XBP1: variants seen among roughly 807,000 people sequenced by gnomAD.
XBP1 encodes the protein X-box binding protein 1.
A neutral mutation model predicts 34.6 loss-of-function variants in XBP1; 18 were observed. The observed-to-expected ratio is 0.52, with a 90% confidence interval of 0.36 to 0.77. The LOEUF is 0.77. Ranked by LOEUF, XBP1 falls within the 30% of genes least tolerant of loss-of-function variation. The pLI is 0.00. For synonymous variants in XBP1, 191 were observed against 193.4 expected (o/e 0.99, Z 0.11); for missense variants, 422 against 464.6 (o/e 0.91, Z 0.84).
chr22:28,800,432 C>T (rs920968184), exon 1 of XBP1: 1 of 1,482,724 alleles, frequency 6.7e-7, no homozygotes, highest in East Asian at 2.8e-5. Flanking sequence ...CCTGGCCGGC[C>T]GGGGCTCCGG....
downstream of XBP1, chr22:28,794,990 C>T: frequency 2.1e-6 from 1 of 486,956 alleles, no homozygotes; most frequent in Non-Finnish European, 3.5e-6. Flanking sequence ...GTCTCAATAC[C>T]TTGGACTGCT....
intron 1 of XBP1, 179 bp downstream of exon 1, chr22:28,800,119 A>C (rs2146268244): frequency 1.3e-6 from 1 of 753,064 alleles, no homozygotes; most frequent in African/African-American, 1.8e-5. Flanking sequence ...AGCGTGGCGG[A>C]TCCGGTCAGT....
chr22:28,795,410 A>G, exon 6 of XBP1: 3 of 1,567,878 alleles, frequency 1.9e-6, no homozygotes, highest in Non-Finnish European at 2.6e-6. Context: ...CTTCACTGAG[A>G]CAATGAATTC....
exon 3 of XBP1, chr22:28,797,187 C>T (rs761446510): frequency 6.2e-7 from 1 of 1,612,642 alleles, no homozygotes; most frequent in East Asian, 2.2e-5. Context: ...AGCTGATTTT[C>T]TAGCAAAAGT....
At chr22:28,800,507 G>GGCT (rs1232163606) in exon 1 of XBP1, 4 of 1,489,096 alleles carry the variant, frequency 2.7e-6, no homozygotes, top group Non-Finnish European at 2.7e-6. Flanking sequence ...GGTTCGGCGC[G>GGCT]GCTGCCACCA....
chr22:28,798,469 C>G (rs957604848), intron 2 of XBP1, among the ~76,000 whole-genome samples: 2 of 151,308 alleles, frequency 1.3e-5, no homozygotes, highest in African/African-American at 4.9e-5. Context: ...CCACGACACC[C>G]GGCTAATTTT....
intron 1 of XBP1, among the ~76,000 whole-genome samples, chr22:28,799,789 T>C (rs910052066): frequency 3.9e-5 from 6 of 152,218 alleles, no homozygotes; most frequent in Non-Finnish European, 7.3e-5. Flanking sequence ...AGGCACATTA[T>C]ATCCAAGTCT....
chr22:28,799,024 T>G, intron 2 of XBP1, 33 bp downstream of exon 2: 1 of 1,559,004 alleles, frequency 6.4e-7, no homozygotes, highest in Non-Finnish European at 8.8e-7. Context: ...GGGTATACAA[T>G]GGATAAAAGA....
chr22:28,800,053 C>T (rs764416576), intron 1 of XBP1: 1 of 770,478 alleles, frequency 1.3e-6, no homozygotes, highest in Admixed American at 1.8e-5. Context: ...CTCTGGTCAT[C>T]TCTAACGAGA....
intron 2 of XBP1, among the ~76,000 whole-genome samples, chr22:28,798,631 A>G: frequency 7.5e-6 from 1 of 133,908 alleles, no homozygotes. Context: ...TTTTCTTGAG[A>G]CAGAGTCTCA....
At chr22:28,795,942 C>A (rs2031742566) in intron 5 of XBP1, 105 bp downstream of exon 5, 14 of 1,495,820 alleles carry the variant, frequency 9.4e-6, no homozygotes, top group Non-Finnish European at 1.2e-5. Context: ...CCAACCCCAC[C>A]AAAAACTAAC....
intron 2 of XBP1, 156 bp downstream of exon 2, chr22:28,798,901 A>G (rs1182871147): frequency 6.7e-6 from 4 of 593,112 alleles, no homozygotes; most frequent in Non-Finnish European, 1.2e-5. Flanking sequence ...GATTACAGGC[A>G]TGAGCCACCA....
chr22:28,797,359 A>G (rs558327221), intron 2 of XBP1, among the ~76,000 whole-genome samples, 154 bp from the exon 3 acceptor site: 4 of 152,348 alleles, frequency 2.6e-5, no homozygotes, highest in African/African-American at 9.6e-5. Context: ...CTAGGCCATA[A>G]TTATGGAAAA....
At chr22:28,795,480 C>A in exon 6 of XBP1, 1 of 1,614,032 alleles carries the variant, frequency 6.2e-7, no homozygotes. Context: ...ACCACATTAG[C>A]TTGGCTCTCT....
chr22:28,800,134 G>A (rs2146268269), intron 1 of XBP1, 164 bp downstream of exon 1: 2 of 828,616 alleles, frequency 2.4e-6, no homozygotes, highest in Admixed American at 5.1e-5. Context: ...GTCAGTCCGG[G>A]CTTCCTGCCC....
exon 1 of XBP1, chr22:28,800,504 C>T: frequency 6.7e-7 from 1 of 1,488,980 alleles, no homozygotes; most frequent in Non-Finnish European, 8.9e-7. Context: ...CCGGGTTCGG[C>T]GCGGCTGCCA....
At chr22:28,800,135 C>T (rs914426611) in intron 1 of XBP1, 163 bp downstream of exon 1, 207 of 836,856 alleles carry the variant, frequency 2.5e-4, no homozygotes, top group Admixed American at 5.4e-4. Context: ...TCAGTCCGGG[C>T]TTCCTGCCCC....
rs2031814030 is a variant in XBP1 at position 28,799,165 on chromosome 22, A to G, written c.228-12T>C. 1 of 1,605,766 alleles carries G rather than the reference A, an allele frequency of 6.2e-7. No individual in the cohort carries two copies. Among genetic ancestry groups the G allele is most frequent in the African/African-American group, 1.3e-5 (1 of 74,888 alleles). Reference sequence around the variant, plus strand: ...TGTTTTTCAGTTTCCTAGGAAGAGAAGGAACATACCACACTGAGTCATATC... The same window carrying G: ...TGTTTTTCAGTTTCCTAGGAAGAGAGGGAACATACCACACTGAGTCATATC... On this transcript the variant is annotated splice_polypyrimidine_tract_variant and intron_variant, in intron 1 of 5. Transcript: ENST00000344347.
chr22:28,798,210 G>C (rs1023944704), intron 2 of XBP1, among the ~76,000 whole-genome samples: 6 of 151,620 alleles, frequency 4.0e-5, no homozygotes, highest in Non-Finnish European at 8.8e-5. Flanking sequence ...TCTACTTTGA[G>C]ATACATCTAG....
Sources: gnomAD v4.1 joint callset for allele counts (sites outside exome capture counted in the v4.1 genomes callset) on GRCh38, gnomAD v4.1.1 for gene constraint, MANE v1.5 for transcripts, NCBI Gene and HGNC (gene_info 2026-07-23, HGNC 2026-07-21) for gene names.